WDR62: variants seen among roughly 807,000 people sequenced by gnomAD.
WDR62 encodes the protein WD repeat domain 62.
Under a neutral mutation model 160.6 loss-of-function variants are expected in WDR62, and 112 were observed. The ratio of observed to expected loss-of-function variants is 0.70; its 90% confidence interval spans 0.60 to 0.82. The LOEUF (loss-of-function observed/expected upper bound fraction) is 0.82. Among genes scored for constraint, WDR62 ranks in the 40% least tolerant of loss-of-function variants. The probability of loss-of-function intolerance (pLI) is 0.00; values close to 1 mark genes in which losing one functional copy is unlikely to be tolerated. For synonymous variants in WDR62, 792 were observed against 815.1 expected (o/e 0.97, Z 0.48); for missense variants, 1,819 against 1,983.8 (o/e 0.92, Z 1.58).
intron 13 of WDR62, 48 bp from the exon 14 acceptor site, chr19:36,088,990 G>A (rs1293918784): frequency 6.2e-7 from 1 of 1,606,252 alleles, no homozygotes; most frequent in Non-Finnish European, 8.5e-7. Context: ...AGGGTCCCCT[G>A]CCCATGTGGC....
At chr19:36,058,075 G>A (rs549588139) in intron 1 of WDR62, among the ~76,000 whole-genome samples, 1 of 152,328 alleles carries the variant, frequency 6.6e-6, no homozygotes, top group Non-Finnish European at 1.5e-5. Context: ...TAAGAGGCCG[G>A]GCACAGTGGC....
chr19:36,099,453 CA>C lies in WDR62; in HGVS notation c.2576del (p.Gln859ArgfsTer31). On this transcript the variant is annotated frameshift_variant, in exon 22 of 32. Transcript: ENST00000401500. LOFTEE classifies it high-confidence loss of function. ...GLAFHAKRSY[Q>X]PHGRWAERAG... Reference sequence around the variant, plus strand: ...GGCCTTCCACGCCAAGCGCAGCTACCAGCCCCACGGCCGCTGGGCAGAGCGG... The same window carrying C: ...GGCCTTCCACGCCAAGCGCAGCTACCGCCCCACGGCCGCTGGGCAGAGCGG... 2.5e-6 allele frequency: 4 copies of C among 1,613,916 alleles called. No individual in the cohort carries two copies. The highest frequency in any genetic ancestry group is 3.4e-6 in the Non-Finnish European group (4 of 1,180,040).
At chr19:36,108,204 G>A (rs751870416), downstream of WDR62, among the ~76,000 whole-genome samples, 1 of 152,098 alleles carries the variant, frequency 6.6e-6, no homozygotes, top group Non-Finnish European at 1.5e-5. Flanking sequence ...GCACCCCATT[G>A]TCCAAATCCT....
In WDR62 at chr19:36,102,822, G is replaced by T. The variant is rs1353495263; in HGVS notation, c.3306G>T (p.Gln1102His). The T allele has an allele frequency of 1.2e-6, 2 of 1,614,104 alleles. No homozygotes were observed. Among genetic ancestry groups the T allele is most frequent in the Non-Finnish European group, 1.7e-6 (2 of 1,180,044 alleles). ...FFNPRLSIST[Q>H]FLSSLQKASR... ...ACCCACGCCTGAGTATCTCCACGCA[G>T]TTCCTCTCAAGCCTCCAGAAGGCAT... Residue 1102 changes from glutamine (Q) to histidine (H), a missense_variant, in exon 27 of 32, where the codon CAG becomes CAT. Gln to His is a conservative substitution (Grantham distance 24, BLOSUM62 0). Coordinates refer to ENST00000401500, the MANE Select transcript of WDR62 (RefSeq NM_001083961.2).
At chr19:36,058,998 C>A in intron 2 of WDR62, 127 bp downstream of exon 2, 1 of 800,168 alleles carries the variant, frequency 1.2e-6, no homozygotes, top group Non-Finnish European at 2.2e-6. Flanking sequence ...TGGGGCCTGC[C>A]TCTGAGAGCT....
At chr19:36,093,903 C>T (rs1254567622) in intron 19 of WDR62, 128 bp from the exon 20 acceptor site, 2 of 1,149,312 alleles carry the variant, frequency 1.7e-6, no homozygotes, top group Non-Finnish European at 1.3e-6. Context: ...GACTTGCCAG[C>T]ACCATCTTGA....
At position 36,066,411 on chromosome 19, in the gene WDR62, A is replaced by G; in HGVS notation, c.545A>G (p.Asn182Ser). ...SMGYQHDMVL[N>S]VWDWKKDIVV... ...GGCTACCAACATGACATGGTGCTCA[A>G]CGTCTGGGACTGGAAGGTAAGAGCC... The change falls in exon 5 of 32, where the codon AAC becomes AGC. Residue 182 changes from asparagine (N) to serine (S), a missense_variant. By Grantham distance (46) the Asn-to-Ser change is conservative. Coordinates refer to ENST00000401500, the MANE Select transcript of WDR62 (RefSeq NM_001083961.2). 1 of 1,604,742 alleles carries G rather than the reference A, an allele frequency of 6.2e-7. No individual in the cohort carries two copies. The highest frequency in any genetic ancestry group is 1.3e-5 in the African/African-American group (1 of 74,806).
Position 36,081,524 on chromosome 19 carries a change from T to TG in WDR62, c.1327dup (p.Asp443GlyfsTer5), listed in dbSNP as rs1304453810. 3.1e-6 allele frequency: 5 copies of TG among 1,614,078 alleles called. No individual in the cohort carries two copies. Among genetic ancestry groups the TG allele is most frequent in the Non-Finnish European group, 4.2e-6 (5 of 1,180,038 alleles). On this transcript the variant is annotated frameshift_variant, in exon 10 of 32. Coordinates refer to ENST00000401500, the MANE Select transcript of WDR62 (RefSeq NM_001083961.2). LOFTEE classifies it high-confidence loss of function. Reference sequence around the variant, plus strand: ...GACAACACCATTCGCTTCTGGAACTTGGACAGCAGCCCTGATTCTCACTGG... The same window carrying TG: ...GACAACACCATTCGCTTCTGGAACTTGGGACAGCAGCCCTGATTCTCACTGG...
chr19:36,109,755 C>CA (rs1039962540), downstream of WDR62, among the ~76,000 whole-genome samples: 12 of 142,814 alleles, frequency 8.4e-5, no homozygotes, highest in Admixed American at 1.4e-4. Flanking sequence ...CAAAACAAAA[C>CA]AAAAAAAATA....
chr19:36,107,259 C>A (rs1355466295), downstream of WDR62, among the ~76,000 whole-genome samples: 1 of 152,196 alleles, frequency 6.6e-6, no homozygotes, highest in Non-Finnish European at 1.5e-5. Flanking sequence ...TGCTGTGGCA[C>A]CCAGCAGCAC....
At chr19:36,108,151 C>T (rs1973745538), downstream of WDR62, among the ~76,000 whole-genome samples, 1 of 152,216 alleles carries the variant, frequency 6.6e-6, no homozygotes, top group East Asian at 1.9e-4. Context: ...CCACACAGGA[C>T]GGAGTGAGAA....
chr19:36,066,518 G>C, intron 5 of WDR62, 91 bp downstream of exon 5: 1 of 1,432,352 alleles, frequency 7.0e-7, no homozygotes, highest in Non-Finnish European at 9.5e-7. Context: ...AGAGGACGCA[G>C]TAAAGTGCTC....
Position 36,068,532 on chromosome 19 carries a change from A to G in WDR62, c.882+522A>G, listed in dbSNP as rs550510839. Among the ~76,000 whole-genome samples, 5 of 152,318 alleles carry G rather than the reference A, an allele frequency of 3.3e-5. No homozygotes were observed. In the South Asian group the frequency reaches 1.0e-3, roughly 32 times the overall value. On this transcript the variant is annotated intron_variant, in intron 7 of 31. Coordinates refer to ENST00000401500, the MANE Select transcript of WDR62 (RefSeq NM_001083961.2). Reference sequence around the variant, plus strand: ...TTCCGCAGTGTTTGTGTCCCTGGGTACTTGAGATTAGGGAGTGGTGATGAC... The same window carrying G: ...TTCCGCAGTGTTTGTGTCCCTGGGTGCTTGAGATTAGGGAGTGGTGATGAC...
Position 36,091,205 on chromosome 19 carries a change from T to C in WDR62, c.2040T>C (p.His680=), listed in dbSNP as rs765451882. The C allele has an allele frequency of 3.3e-5, 54 of 1,612,286 alleles. No individual in the cohort carries two copies. The Admixed American group carries it at 7.2e-4, about 21-fold the overall frequency. The change falls in exon 17 of 32, where the codon CAT becomes CAC. Residue 680 remains histidine, a synonymous_variant. Transcript: ENST00000401500. ...GTGGGTCCCTTTCCTGGCAGGTCCA[T>C]GTGGACCCCTCAGGCACCTTCCTGG... ...QGDEGSLLKV[H]VDPSGTFLAT... is the part of the protein sequence containing the mutation.
intron 2 of WDR62, 80 bp downstream of exon 2, chr19:36,058,951 C>T (rs531194281): frequency 8.5e-7 from 1 of 1,182,650 alleles, no homozygotes; most frequent in East Asian, 2.5e-5. Flanking sequence ...GTAAATCGCT[C>T]TGAGCCTCAT....
At chr19:36,083,037 T>A (rs755470764) in intron 10 of WDR62, 26 bp from the exon 11 acceptor site, 1 of 1,604,382 alleles carries the variant, frequency 6.2e-7, no homozygotes, top group Non-Finnish European at 8.5e-7. Flanking sequence ...CTGCTCGTGC[T>A]GACCTCAGCC....
intron 5 of WDR62, among the ~76,000 whole-genome samples, chr19:36,066,998 G>A (rs181923734): frequency 1.1e-3 from 166 of 152,336 alleles, no homozygotes; most frequent in Non-Finnish European, 2.1e-3. Flanking sequence ...GCCATAGGTT[G>A]TGTTGTCCTT....
intron 3 of WDR62, 85 bp downstream of exon 3, chr19:36,060,115 T>C: frequency 7.4e-7 from 1 of 1,353,534 alleles, no homozygotes. Flanking sequence ...GAGATACTCA[T>C]GGGTAGGTGC....
chr19:36,055,276 C>A, intron 1 of WDR62, 128 bp downstream of exon 1: 5 of 971,814 alleles, frequency 5.1e-6, no homozygotes, highest in Non-Finnish European at 7.7e-6. Flanking sequence ...TGCCATGCCT[C>A]GTCCCCTAAC....
Sources: allele counts gnomAD v4.1 joint callset (sites outside exome capture counted in the v4.1 genomes callset), GRCh38; gene constraint gnomAD v4.1.1; transcripts MANE v1.5; gene names NCBI Gene and HGNC (gene_info 2026-07-23, HGNC 2026-07-21).